The following MDGA2 variants were observed in gnomAD, a reference collection of about 807,000 sequenced individuals.
The protein encoded by MDGA2 is MAM domain-containing glycosylphosphatidylinositol anchor protein 2.
Under a neutral mutation model 117.8 loss-of-function variants are expected in MDGA2, and 40 were observed. The ratio of observed to expected loss-of-function variants is 0.34; its 90% CI spans 0.26 to 0.44. The LOEUF (loss-of-function observed/expected upper bound fraction) is 0.44, where lower values mean the gene tolerates loss of function less well. Ranked by LOEUF, MDGA2 falls within the 20% of genes least tolerant of loss-of-function variation. The probability of loss-of-function intolerance (pLI) is 1.00; values close to 1 mark genes in which losing one functional copy is unlikely to be tolerated. For missense variants in MDGA2, 1,123 were observed against 1,250.6 expected, an observed-to-expected ratio of 0.90 and a Z score of 1.54; for synonymous variants, 452 against 439.0, an observed-to-expected ratio of 1.03 and a Z score of -0.37.
intron 14 of MDGA2, among the ~76,000 whole-genome samples, chr14:46,857,955 C>T (rs900861916): frequency 3.3e-5 from 5 of 151,970 alleles, no homozygotes; most frequent in Admixed American, 6.6e-5. Flanking sequence ...CGCCTGGTCC[C>T]ATTATTTCTA....
At chr14:47,370,202 C>T (rs1473319225) in intron 1 of MDGA2, among the ~76,000 whole-genome samples, 1 of 151,362 alleles carries the variant, frequency 6.6e-6, no homozygotes, top group Admixed American at 6.6e-5. Flanking sequence ...GTGATATAAT[C>T]CAGTGGTGAA....
intron 1 of MDGA2, among the ~76,000 whole-genome samples, chr14:47,666,708 T>G (rs1897977392): frequency 6.6e-6 from 1 of 152,262 alleles, no homozygotes; most frequent in East Asian, 1.9e-4. Context: ...GCAACCCGCT[T>G]GGGTCCCCTT....
intron 4 of MDGA2, among the ~76,000 whole-genome samples, chr14:47,143,478 T>C (rs1882809773): frequency 6.6e-6 from 1 of 152,174 alleles, no homozygotes; most frequent in Admixed American, 6.5e-5. Context: ...ACTCTTTGTG[T>C]ATTACACAAG....
intron 6 of MDGA2, among the ~76,000 whole-genome samples, chr14:47,079,721 C>A (rs1018244384): frequency 1.7e-4 from 13 of 77,404 alleles, no homozygotes; most frequent in Non-Finnish European, 3.1e-4. Context: ...AGCCGATTTT[C>A]TACTAATTTT....
At chr14:47,154,933 T>TC (rs1883308156) in intron 3 of MDGA2, among the ~76,000 whole-genome samples, 1 of 152,160 alleles carries the variant, frequency 6.6e-6, no homozygotes, top group South Asian at 2.1e-4. Flanking sequence ...TGGTGCTTTT[T>TC]CCAGGGTTGC....
intron 8 of MDGA2, among the ~76,000 whole-genome samples, chr14:46,970,972 C>G (rs550061864): frequency 6.6e-6 from 1 of 152,038 alleles, no homozygotes; most frequent in South Asian, 2.1e-4. Context: ...AAATGCAAAT[C>G]AAAACCACAA....
intron 10 of MDGA2, among the ~76,000 whole-genome samples, chr14:46,897,844 C>T (rs1174616009): frequency 6.6e-6 from 1 of 151,622 alleles, no homozygotes; most frequent in African/African-American, 2.4e-5. Context: ...GGAGATATGA[C>T]CTTGCTTAGA....
chr14:46,885,259 T>C (rs931045127), intron 10 of MDGA2, among the ~76,000 whole-genome samples: 1 of 152,144 alleles, frequency 6.6e-6, no homozygotes, highest in Non-Finnish European at 1.5e-5. Context: ...AGTTAAAAAA[T>C]TTGTTCTCAT....
intron 3 of MDGA2, among the ~76,000 whole-genome samples, chr14:47,185,682 A>G (rs72680230): frequency 0.094 from 14,272 of 151,630 alleles, 813 homozygotes; most frequent in African/African-American, 0.15. Context: ...AATCTTAACC[A>G]TAAAACTGGT....
chr14:47,186,893 A>G (rs1772555144), intron 3 of MDGA2, among the ~76,000 whole-genome samples: 1 of 151,818 alleles, frequency 6.6e-6, no homozygotes, highest in Admixed American at 6.6e-5. Flanking sequence ...TCTTTTGACA[A>G]TCTGTTCTCT....
At chr14:47,644,406 C>T (rs1386169090) in intron 1 of MDGA2, among the ~76,000 whole-genome samples, 1 of 152,070 alleles carries the variant, frequency 6.6e-6, no homozygotes, top group Non-Finnish European at 1.5e-5. Flanking sequence ...ACAATCTTGT[C>T]ATTTTTGAAT....
At chr14:47,604,012 C>T (rs1045365951) in intron 1 of MDGA2, among the ~76,000 whole-genome samples, 23 of 152,174 alleles carry the variant, frequency 1.5e-4, no homozygotes, top group Admixed American at 1.3e-4. Context: ...TGAGCAGGTG[C>T]CGGTGCCATG....
At chr14:46,933,799 A>AATATATAT (rs34723414) in intron 9 of MDGA2, among the ~76,000 whole-genome samples, 79 of 87,284 alleles carry the variant, frequency 9.1e-4, no homozygotes, top group Non-Finnish European at 1.2e-3. Context: ...TTATGTAACA[A>AATATATAT]ATATATATAT....
intron 3 of MDGA2, among the ~76,000 whole-genome samples, chr14:47,195,523 A>G (rs934317696): frequency 2.6e-5 from 4 of 152,040 alleles, no homozygotes; most frequent in Non-Finnish European, 4.4e-5. Flanking sequence ...TTATATCTAC[A>G]AAGTTTAATT....
chr14:46,958,732 T>C (rs2138262385), intron 8 of MDGA2, among the ~76,000 whole-genome samples: 1 of 152,368 alleles, frequency 6.6e-6, no homozygotes. Context: ...CAGTGTTTCT[T>C]CATTTCCAAA....
chr14:47,377,426 G>C (rs117948480), intron 1 of MDGA2, among the ~76,000 whole-genome samples: 1 of 152,106 alleles, frequency 6.6e-6, no homozygotes, highest in Non-Finnish European at 1.5e-5. Flanking sequence ...CGCCTCATCC[G>C]GGAAGTGTAA....
chr14:46,980,824 CATA>C (rs1478052050), intron 8 of MDGA2, among the ~76,000 whole-genome samples: 1 of 152,118 alleles, frequency 6.6e-6, no homozygotes, highest in African/African-American at 2.4e-5. Flanking sequence ...ACTTTTTAGA[CATA>C]ATGCTATTGC....
chr14:47,059,200 A>G lies in MDGA2; in HGVS notation c.1525+2049T>C, dbSNP rs1468702148. On this transcript the variant is annotated intron_variant, in intron 7 of 16. Transcript: ENST00000399232. ...AATAATTATCTGTTTAGTACCTTCT[A>G]TGTGCCATGTATTGTTTCGGCTATT... 7.1e-6 allele frequency: 6 copies of G among 848,822 alleles called. No individual in the cohort carries two copies. The African/African-American group carries it at 1.1e-4, about 15-fold the overall frequency. 52.6% of individuals were successfully genotyped at this position (848,822 alleles called of 1,614,324 possible).
chr14:47,498,705 T>TGTGGAATAAA (rs1219686583), intron 1 of MDGA2, among the ~76,000 whole-genome samples: 21 of 152,182 alleles, frequency 1.4e-4, no homozygotes, highest in African/African-American at 4.8e-4. Context: ...ACATTAGCAA[T>TGTGGAATAAA]GTATATGAAA....
Sources: allele counts gnomAD v4.1 joint callset (sites outside exome capture counted in the v4.1 genomes callset), GRCh38; gene constraint gnomAD v4.1.1; transcripts MANE v1.5; gene names NCBI Gene and HGNC (gene_info 2026-07-23, HGNC 2026-07-21).